Variants in CNTNAP2 observed in about 807,000 individuals in gnomAD.
CNTNAP2 encodes the protein contactin associated protein 2, also known as contactin-associated protein-like 2.
Under a neutral mutation model 155.2 loss-of-function variants are expected in CNTNAP2, and 98 were observed. The ratio of observed to expected loss-of-function variants is 0.63; its 90% CI spans 0.54 to 0.75. The LOEUF (loss-of-function observed/expected upper bound fraction) is 0.75, where lower values mean the gene tolerates loss of function less well. Ranked by LOEUF, CNTNAP2 falls within the 30% of genes least tolerant of loss-of-function variation. The pLI, the probability that CNTNAP2 is intolerant of heterozygous loss-of-function variation, is 0.00. For synonymous variants in CNTNAP2, 651 were observed against 631.2 expected (o/e 1.03, Z -0.47); for missense variants, 1,727 against 1,688.1 (o/e 1.02, Z -0.40).
chr7:147,623,740 TAAAAA>T (rs572447516), intron 12 of CNTNAP2, among the ~76,000 whole-genome samples: 1 of 144,622 alleles, frequency 6.9e-6, no homozygotes, highest in South Asian at 2.1e-4. Flanking sequence ...TTCACAGAAA[TAAAAA>T]AAAAAATTTT....
intron 22 of CNTNAP2, among the ~76,000 whole-genome samples, chr7:148,408,273 CA>C (rs1392870767): frequency 6.6e-6 from 1 of 151,838 alleles, no homozygotes; most frequent in African/African-American, 2.4e-5. Context: ...CCCACACACA[CA>C]CAAAAAAAGA....
At chr7:147,087,926 G>C (rs1051472178) in intron 4 of CNTNAP2, among the ~76,000 whole-genome samples, 1 of 152,064 alleles carries the variant, frequency 6.6e-6, no homozygotes, top group Non-Finnish European at 1.5e-5. Flanking sequence ...GCAGTAGGCC[G>C]AGATTGTGCC....
At chr7:148,095,140 A>G (rs775694789) in intron 15 of CNTNAP2, among the ~76,000 whole-genome samples, 1 of 152,200 alleles carries the variant, frequency 6.6e-6, no homozygotes, top group African/African-American at 2.4e-5. Flanking sequence ...GTCCTGGACC[A>G]TGGACCAAGC....
intron 3 of CNTNAP2, among the ~76,000 whole-genome samples, chr7:146,938,980 A>T: frequency 6.6e-6 from 1 of 152,240 alleles, no homozygotes; most frequent in Admixed American, 6.5e-5. Flanking sequence ...GACATTGTCA[A>T]TGCAGGCTAG....
At chr7:147,923,399 G>A (rs1800320162) in intron 14 of CNTNAP2, among the ~76,000 whole-genome samples, 1 of 152,156 alleles carries the variant, frequency 6.6e-6, no homozygotes, top group Non-Finnish European at 1.5e-5. Context: ...GGGAGGCAGA[G>A]ATTTAAGTGA....
chr7:148,114,705 C>G (rs1804428205), intron 15 of CNTNAP2, among the ~76,000 whole-genome samples: 1 of 152,200 alleles, frequency 6.6e-6, no homozygotes, highest in Admixed American at 6.5e-5. Flanking sequence ...TTGTACCACA[C>G]TCACTGAAAG....
chr7:147,002,489 G>A (rs1417443837), intron 3 of CNTNAP2, among the ~76,000 whole-genome samples: 1 of 152,052 alleles, frequency 6.6e-6, no homozygotes, highest in East Asian at 1.9e-4. Flanking sequence ...TTAATGAGTT[G>A]TTAGAATGAA....
intron 13 of CNTNAP2, among the ~76,000 whole-genome samples, chr7:147,653,645 T>G (rs529519399): frequency 6.6e-5 from 10 of 152,172 alleles, no homozygotes; most frequent in African/African-American, 2.2e-4. Flanking sequence ...AGGAGGGCAC[T>G]GGGTGTATAA....
intron 8 of CNTNAP2, among the ~76,000 whole-genome samples, chr7:147,144,223 T>C (rs866539080): frequency 2.0e-4 from 31 of 152,300 alleles, no homozygotes; most frequent in Middle Eastern, 3.4e-3. Flanking sequence ...CTCCAAGCAA[T>C]AAGATTACTG....
rs966273854 is a variant in CNTNAP2, at chr7:148,384,812, T to C, written c.3715+924T>C. 3.3e-5 allele frequency among the ~76,000 whole-genome samples: 5 copies of C among 152,194 alleles called. No homozygotes were observed. The East Asian group carries it at 9.6e-4, about 29-fold the overall frequency. ...ACCTTAGGCAGTTTTCATAACCTCA[T>C]TCCTCAGTTTCCCCACTTCCTAAAT... On this transcript the variant is annotated intron_variant, in intron 22 of 23. Transcript: ENST00000361727.
intron 4 of CNTNAP2, among the ~76,000 whole-genome samples, chr7:147,084,915 G>A (rs1030587788): frequency 2.6e-5 from 4 of 151,058 alleles, no homozygotes; most frequent in African/African-American, 9.7e-5. Flanking sequence ...TCAAACTTTA[G>A]TCATATCATT....
chr7:146,592,728 G>C (rs1311069512), intron 1 of CNTNAP2, among the ~76,000 whole-genome samples: 3 of 152,064 alleles, frequency 2.0e-5, no homozygotes, highest in Admixed American at 6.5e-5. Flanking sequence ...TCCATATATT[G>C]TACCAGACAC....
At chr7:147,153,093 TA>T (rs571182046) in intron 8 of CNTNAP2, among the ~76,000 whole-genome samples, 2,815 of 149,846 alleles carry the variant, frequency 0.019, 29 homozygotes, top group South Asian at 0.042. Context: ...TCTCCTCTGT[TA>T]AAAAAAAAAT....
chr7:146,580,309 C>T (rs1177224842), intron 1 of CNTNAP2, among the ~76,000 whole-genome samples: 1 of 151,944 alleles, frequency 6.6e-6, no homozygotes. Flanking sequence ...GTTTGCATCT[C>T]AAATGATAAT....
Position 147,267,231 on chromosome 7 carries a change from A to G in CNTNAP2, c.1349-32910A>G, listed in dbSNP as rs146752149. 3.9e-4 allele frequency among the ~76,000 whole-genome samples: 60 copies of G among 152,350 alleles called. 1 individual carries two copies. Among genetic ancestry groups the G allele is most frequent in the East Asian group, 1.2e-3 (6 of 5,184 alleles). On this transcript the variant is annotated intron_variant, in intron 8 of 23. Coordinates refer to ENST00000361727, the MANE Select transcript of CNTNAP2 (RefSeq NM_014141.6). Reference sequence around the variant, plus strand: ...ATATTCCTTTAGGTTACATCCATTGATTCTTTTTACATCTATCTGCATTGC... The same window carrying G: ...ATATTCCTTTAGGTTACATCCATTGGTTCTTTTTACATCTATCTGCATTGC...
chr7:148,099,163 G>A (rs566749611), intron 15 of CNTNAP2, among the ~76,000 whole-genome samples: 33 of 152,262 alleles, frequency 2.2e-4, no homozygotes, highest in Non-Finnish European at 3.5e-4. Flanking sequence ...TAAACTTTCC[G>A]TGCCTCAGTT....
chr7:146,477,322 T>A (rs1166298200), intron 1 of CNTNAP2, among the ~76,000 whole-genome samples: 1 of 152,182 alleles, frequency 6.6e-6, no homozygotes, highest in Non-Finnish European at 1.5e-5. Context: ...GTGAAGACTC[T>A]AACTGCTTTG....
chr7:146,633,464 C>G (rs1049869578), intron 1 of CNTNAP2, among the ~76,000 whole-genome samples: 1 of 152,152 alleles, frequency 6.6e-6, no homozygotes, highest in African/African-American at 2.4e-5. Context: ...GGATAGGATA[C>G]CATATGGCTT....
chr7:147,252,269 T>C (rs943394711), intron 8 of CNTNAP2, among the ~76,000 whole-genome samples: 1 of 152,176 alleles, frequency 6.6e-6, no homozygotes, highest in African/African-American at 2.4e-5. Flanking sequence ...TCAAAACTGA[T>C]AGTCAGCTGA....
Sources: allele counts gnomAD v4.1 joint callset (sites outside exome capture counted in the v4.1 genomes callset), GRCh38; gene constraint gnomAD v4.1.1; transcripts MANE v1.5; gene names NCBI Gene and HGNC (gene_info 2026-07-23, HGNC 2026-07-21).